The following CCDC171 variants were observed in gnomAD, a reference collection of about 807,000 sequenced individuals.
CCDC171 encodes coiled-coil domain-containing protein 171.
CCDC171 carries 177 observed loss-of-function variants against 168.2 expected under a neutral mutation model. That is an observed-to-expected ratio of 1.05 (90% confidence interval 0.93 to 1.19). The LOEUF (loss-of-function observed/expected upper bound fraction) is 1.19. CCDC171 is among the 50% of genes most tolerant of loss of function. The pLI is 0.00. For missense variants in CCDC171, 1,991 were observed against 1,539.0 expected (o/e 1.29, Z -4.91); for synonymous variants, 687 against 540.8 (o/e 1.27, Z -3.75).
At chr9:16,010,924 A>G (rs943807743) in intron 3 of CCDC171, among the ~76,000 whole-genome samples, 2 of 152,118 alleles carry the variant, frequency 1.3e-5, no homozygotes, top group African/African-American at 2.4e-5. Flanking sequence ...TCTGACTGTC[A>G]TGTGGTAGAG....
At chr9:15,618,548 G>T (rs1269407587) in intron 6 of CCDC171, among the ~76,000 whole-genome samples, 1 of 152,164 alleles carries the variant, frequency 6.6e-6, no homozygotes, top group Non-Finnish European at 1.5e-5. Flanking sequence ...TCTCACTGGA[G>T]TTCCAGGTGC....
At chr9:15,581,595 G>A (rs1297917471) in intron 4 of CCDC171, among the ~76,000 whole-genome samples, 9 of 152,082 alleles carry the variant, frequency 5.9e-5, no homozygotes, top group African/African-American at 2.2e-4. Context: ...ATAGACCAAT[G>A]GAACAGAACA....
intron 21 of CCDC171, among the ~76,000 whole-genome samples, chr9:15,841,918 AT>A (rs1403398232): frequency 2.6e-5 from 4 of 151,990 alleles, no homozygotes; most frequent in African/African-American, 9.7e-5. Flanking sequence ...GATTAATATA[AT>A]TTTTTAGTTG....
At chr9:16,043,491 G>A (rs756889992) in intron 1 of CCDC171, among the ~76,000 whole-genome samples, 4 of 152,128 alleles carry the variant, frequency 2.6e-5, no homozygotes, top group Admixed American at 6.5e-5. Context: ...AGCAGATTTC[G>A]TAAAACCATT....
intron 6 of CCDC171, among the ~76,000 whole-genome samples, chr9:15,595,540 G>C (rs948614753): frequency 6.6e-6 from 1 of 152,086 alleles, no homozygotes; most frequent in Non-Finnish European, 1.5e-5. Context: ...TCTTAATCCA[G>C]TCTATCATTG....
intron 24 of CCDC171, among the ~76,000 whole-genome samples, chr9:15,919,409 C>T (rs972962601): frequency 1.3e-5 from 2 of 151,628 alleles, no homozygotes; most frequent in African/African-American, 4.8e-5. Context: ...TTTGCAAATT[C>T]TCAGACTGTC....
At chr9:15,877,598 C>T (rs1818030489) in intron 24 of CCDC171, among the ~76,000 whole-genome samples, 1 of 152,036 alleles carries the variant, frequency 6.6e-6, no homozygotes, top group African/African-American at 2.4e-5. Flanking sequence ...GTTTAAGTTC[C>T]TGCAGCAAAT....
At chr9:15,915,733 A>T (rs778204144) in intron 24 of CCDC171, among the ~76,000 whole-genome samples, 5 of 152,176 alleles carry the variant, frequency 3.3e-5, no homozygotes, top group Non-Finnish European at 5.9e-5. Flanking sequence ...ATTAAGTATA[A>T]TGTTGGCTGT....
chr9:15,573,096 G>A (rs1459279618), intron 3 of CCDC171, among the ~76,000 whole-genome samples: 1 of 152,140 alleles, frequency 6.6e-6, no homozygotes, highest in Admixed American at 6.5e-5. Flanking sequence ...GAGCTGGAAG[G>A]TTGCAGTGAG....
intron 11 of CCDC171, among the ~76,000 whole-genome samples, chr9:15,717,399 A>G (rs2053160421): frequency 6.6e-6 from 1 of 152,172 alleles, no homozygotes; most frequent in South Asian, 2.1e-4. Context: ...CTTGAAAGAC[A>G]ATCTAGGCCA....
rs570605853 is a variant in CCDC171 at position 16,016,632 on chromosome 9, C to A, written n.369-3957C>A. Among the ~76,000 whole-genome samples, 23 of 152,286 alleles carry A rather than the reference C, an allele frequency of 1.5e-4. 1 individual carries two copies. Among genetic ancestry groups the A allele is most frequent in the Middle Eastern group, 3.4e-3 (1 of 294 alleles). ...AGTGTTACTTCCTTGGCTCACTCTCCTTCATTACATTAAGAAGCAGCATGT... is the reference window on the plus strand; with the variant it reads ...AGTGTTACTTCCTTGGCTCACTCTCATTCATTACATTAAGAAGCAGCATGT... On this transcript the variant is annotated intron_variant and non_coding_transcript_variant, in intron 3 of 9. Coordinates refer to the CCDC171 transcript ENST00000486641.
downstream of CCDC171, among the ~76,000 whole-genome samples, chr9:16,063,853 C>T (rs998692181): frequency 6.6e-6 from 1 of 152,192 alleles, no homozygotes; most frequent in South Asian, 2.1e-4. Context: ...CGAGGTCACA[C>T]AGCTAAATTC....
At chr9:15,924,083 A>ATATTTTT (rs1271420205) in intron 25 of CCDC171, among the ~76,000 whole-genome samples, 2 of 151,462 alleles carry the variant, frequency 1.3e-5, no homozygotes, top group African/African-American at 4.8e-5. Context: ...TTTTAAAAAC[A>ATATTTTT]TATATTTAAT....
At chr9:15,940,734 C>T (rs1354940209) in intron 25 of CCDC171, among the ~76,000 whole-genome samples, 4 of 151,904 alleles carry the variant, frequency 2.6e-5, no homozygotes, top group Non-Finnish European at 5.9e-5. Context: ...GGAAAGCAAA[C>T]TGGACTGTGG....
At position 15,729,772 on chromosome 9, in the gene CCDC171, TTCC is replaced by T; in HGVS notation, c.2025_2027del (p.Phe675del). Reference sequence around the variant, plus strand: ...ACTAGAGCTGCAGTATTCTGAACTCTTCCTGGAGGTGCAGAAGAGGGCACAGGT... The same window carrying T: ...ACTAGAGCTGCAGTATTCTGAACTCTTGGAGGTGCAGAAGAGGGCACAGGT... On this transcript the variant is annotated inframe_deletion, in exon 16 of 26. Transcript: ENST00000380701. The T allele has an allele frequency of 6.2e-7, 1 of 1,610,332 alleles. No individual in the cohort carries two copies. Among genetic ancestry groups the T allele is most frequent in the South Asian group, 1.1e-5 (1 of 90,568 alleles).
At chr9:15,878,563 A>G (rs1406252713) in intron 24 of CCDC171, among the ~76,000 whole-genome samples, 2 of 152,232 alleles carry the variant, frequency 1.3e-5, no homozygotes, top group Non-Finnish European at 2.9e-5. Context: ...AGTGGAAAGC[A>G]GTGTGGCAAT....
intron 25 of CCDC171, among the ~76,000 whole-genome samples, chr9:15,952,319 T>G (rs755105930): frequency 4.6e-5 from 7 of 152,220 alleles, no homozygotes; most frequent in Admixed American, 2.0e-4. Context: ...GAATGAGTCC[T>G]CCAACTTTGT....
chr9:15,721,502 C>T, intron 11 of CCDC171, among the ~76,000 whole-genome samples: 1 of 151,010 alleles, frequency 6.6e-6, no homozygotes, highest in East Asian at 2.0e-4. Flanking sequence ...AGAAAGTAGT[C>T]ATAAATTTAA....
At chr9:15,680,575 A>G (rs1416045608) in intron 10 of CCDC171, among the ~76,000 whole-genome samples, 1 of 152,160 alleles carries the variant, frequency 6.6e-6, no homozygotes, top group Non-Finnish European at 1.5e-5. Context: ...TTATCTAAAG[A>G]TGTTTGCTGT....
Sources: gnomAD v4.1 joint callset for allele counts (sites outside exome capture counted in the v4.1 genomes callset) on GRCh38, gnomAD v4.1.1 for gene constraint, MANE v1.5 for transcripts, NCBI Gene and HGNC (gene_info 2026-07-23, HGNC 2026-07-21) for gene names.